Variants in KIRREL3 observed in about 807,000 individuals in gnomAD.
The protein encoded by KIRREL3 is kin of IRRE-like protein 3.
Under a neutral mutation model 89.7 loss-of-function variants are expected in KIRREL3, and 36 were observed. That is an observed-to-expected ratio of 0.40 (90% CI 0.31 to 0.53). The LOEUF (loss-of-function observed/expected upper bound fraction) is 0.53, where lower values mean the gene tolerates loss of function less well. KIRREL3 is among the 20% of genes least tolerant of loss of function. The pLI is 0.49. For missense variants in KIRREL3, 864 were observed against 1,056.6 expected (o/e 0.82, Z 2.53); for synonymous variants, 445 against 441.4 (o/e 1.01, Z -0.10).
At chr11:126,880,263 G>A (rs1481067188) in intron 1 of KIRREL3, among the ~76,000 whole-genome samples, 1 of 152,104 alleles carries the variant, frequency 6.6e-6, no homozygotes, top group Admixed American at 6.5e-5. Context: ...TTCTGCTGGG[G>A]ACTCTTCGAC....
At chr11:126,745,946 C>A (rs1304942970) in intron 1 of KIRREL3, among the ~76,000 whole-genome samples, 1 of 152,204 alleles carries the variant, frequency 6.6e-6, no homozygotes, top group Non-Finnish European at 1.5e-5. Flanking sequence ...CTAGCTGGAG[C>A]CTGCTTGGCC....
chr11:126,488,354 A>C lies in KIRREL3; in HGVS notation c.434-14888T>G, dbSNP rs1957421930. Among the ~76,000 whole-genome samples the C allele has an allele frequency of 2.0e-5, 3 of 152,370 alleles. No individual in the cohort carries two copies. The South Asian group carries it at 6.2e-4, about 32-fold the overall frequency. The stretch of plus-strand genomic sequence containing the variant: ...GAATGATCCCACAGGGTGACCCTGA[A>C]CAAGTTTATCAACCTTCCTGAGCCT... On this transcript the variant is annotated intron_variant, in intron 4 of 16. Coordinates refer to ENST00000525144, the MANE Select transcript of KIRREL3 (RefSeq NM_032531.4).
At position 126,693,686 on chromosome 11, in the gene KIRREL3, T is replaced by C. The variant is rs374784512; in HGVS notation, c.56-130774A>G. On this transcript the variant is annotated intron_variant, in intron 1 of 16. Transcript: ENST00000525144. ...CTGAGTTTCCGAAGGGAAAATCTCA[T>C]TTGTCCACCAGTGATAGCGTATGTA... Among the ~76,000 whole-genome samples the C allele has an allele frequency of 4.9e-4, 74 of 152,148 alleles. 1 individual carries two copies. The highest frequency in any genetic ancestry group is 1.8e-3 in the African/African-American group (74 of 41,512).
intron 1 of KIRREL3, among the ~76,000 whole-genome samples, chr11:126,826,538 A>G (rs1943418686): frequency 6.6e-6 from 1 of 151,908 alleles, no homozygotes; most frequent in Non-Finnish European, 1.5e-5. Context: ...TCTGCTTTCG[A>G]CTTCCTCTCG....
Position 126,431,115 on chromosome 11 carries a change from TC to T in KIRREL3, c.1696+303del, listed in dbSNP as rs983270917. The stretch of plus-strand genomic sequence containing the variant: ...CAAGGATCAAACCACAAACCGCTTT[TC>T]CCCCTATCTTTCTGTACAGTTCCTG... On this transcript the variant is annotated intron_variant, in intron 14 of 16. Coordinates refer to ENST00000525144, the MANE Select transcript of KIRREL3 (RefSeq NM_032531.4). The surrounding 1 kb of genome is among the most constrained non-coding windows in gnomAD (Gnocchi z 7.1). 5.0e-6 allele frequency: 7 copies of T among 1,410,478 alleles called. No individual in the cohort carries two copies. In the African/African-American group the frequency reaches 1.0e-4, roughly 20 times the overall value. 87.4% of individuals were successfully genotyped at this position (1,410,478 alleles called of 1,614,324 possible).
intron 4 of KIRREL3, among the ~76,000 whole-genome samples, chr11:126,497,392 G>T (rs1341618466): frequency 1.3e-5 from 2 of 152,116 alleles, no homozygotes; most frequent in Admixed American, 1.3e-4. Flanking sequence ...TGCCATCTCT[G>T]TTCCCAGTCA....
Position 126,794,145 on chromosome 11 carries a change from C to T in KIRREL3, c.55+206310G>A, listed in dbSNP as rs548622052. ...ATAAAATAATGGTAAGGAAGTCCAA[C>T]AGAATTCAGATATTTCTCATGATGG... On this transcript the variant is annotated intron_variant, in intron 1 of 16. Transcript: ENST00000525144. Among the ~76,000 whole-genome samples the T allele has an allele frequency of 1.6e-4, 25 of 152,264 alleles. No homozygotes were observed. In the Middle Eastern group the frequency reaches 0.017, roughly 104 times the overall value.
At chr11:126,549,391 G>A (rs1397387917) in intron 2 of KIRREL3, 4 of 152,158 alleles carry the variant, frequency 2.6e-5, no homozygotes, top group Non-Finnish European at 4.4e-5. Flanking sequence ...CACAGGGCCC[G>A]GCACTGTGAC....
In KIRREL3 at chr11:126,426,661, C is replaced by T. The variant is rs544370392; in HGVS notation, c.1807-937G>A. On this transcript the variant is annotated intron_variant, in intron 15 of 16. Transcript: ENST00000525144. ...ACAGTGATGCTTAACCTGTGACACA[C>T]GAGAGGCTTGCCATGTGTCTCTGCT... is the stretch of plus-strand genomic sequence containing the variant. Among the ~76,000 whole-genome samples the T allele has an allele frequency of 2.6e-5, 4 of 152,332 alleles. 1 individual carries two copies. Among genetic ancestry groups the T allele is most frequent in the African/African-American group, 9.6e-5 (4 of 41,572 alleles).
chr11:126,987,914 A>G lies in KIRREL3; in HGVS notation c.55+12541T>C, dbSNP rs548237154. 6.6e-6 allele frequency among the ~76,000 whole-genome samples: 1 copy of G among 152,326 alleles called. No homozygotes were observed. Among genetic ancestry groups the G allele is most frequent in the African/African-American group, 2.4e-5 (1 of 41,574 alleles). On this transcript the variant is annotated intron_variant, in intron 1 of 16. Transcript: ENST00000525144. The surrounding 1 kb of genome is among the most constrained non-coding windows in gnomAD (Gnocchi z 4.6). Reference sequence around the variant, plus strand: ...TTTCTGACACAAGGTAAGTTGTACCAGCCGAGACCAAAGTGAAAAGAATCA... The same window carrying G: ...TTTCTGACACAAGGTAAGTTGTACCGGCCGAGACCAAAGTGAAAAGAATCA...
intron 1 of KIRREL3, among the ~76,000 whole-genome samples, chr11:126,846,683 A>T (rs191474467): frequency 7.5e-6 from 1 of 132,584 alleles, no homozygotes; most frequent in African/African-American, 2.8e-5. Flanking sequence ...AAACAGACAA[A>T]CAAAAAAAAA....
At chr11:126,852,142 C>T (rs4935999) in intron 1 of KIRREL3, among the ~76,000 whole-genome samples, 127,860 of 150,694 alleles carry the variant, frequency 0.85, 54,441 homozygotes, top group East Asian at 1. Context: ...CAACCTCTGC[C>T]TCCCGGGTTC....
intron 1 of KIRREL3, among the ~76,000 whole-genome samples, chr11:126,721,678 T>G (rs557827371): frequency 1.3e-5 from 2 of 152,280 alleles, no homozygotes; most frequent in African/African-American, 4.8e-5. Context: ...CAAGGCTTCA[T>G]TTTGGATTTG....
Position 126,477,231 on chromosome 11 carries a change from C to G in KIRREL3, c.434-3765G>C, listed in dbSNP as rs984902655. Among the ~76,000 whole-genome samples the G allele has an allele frequency of 2.0e-5, 3 of 152,230 alleles. No homozygotes were observed. The highest frequency in any genetic ancestry group is 7.2e-5 in the African/African-American group (3 of 41,462). ...TCATCGCGGGATGCTGAGCTCTTTA[C>G]AGTTTACTCTCCCATTGGCCAGGAC... is the stretch of plus-strand genomic sequence containing the variant. On this transcript the variant is annotated intron_variant, in intron 4 of 16. Transcript: ENST00000525144. The surrounding 1 kb of genome is among the most constrained non-coding windows in gnomAD (Gnocchi z 4.8).
rs1173703413 is a variant in KIRREL3 at position 126,978,774 on chromosome 11, C to T, written c.55+21681G>A. 3.3e-5 allele frequency among the ~76,000 whole-genome samples: 5 copies of T among 152,126 alleles called. No homozygotes were observed. Among genetic ancestry groups the T allele is most frequent in the Admixed American group, 6.5e-5 (1 of 15,270 alleles). On this transcript the variant is annotated intron_variant, in intron 1 of 16. Transcript: ENST00000525144. The surrounding 1 kb of genome is among the most constrained non-coding windows in gnomAD (Gnocchi z 4.2). ...TTCCCCCAAGGTGGGCTAGGCAACC[C>T]TAGTGTCTGCTCCCACAGGAGCTAC...
At chr11:126,456,107 G>A (rs1365784169) in intron 7 of KIRREL3, among the ~76,000 whole-genome samples, 2 of 132,188 alleles carry the variant, frequency 1.5e-5, no homozygotes, top group African/African-American at 5.8e-5. Context: ...GGCTATTCAA[G>A]CAGAAGCCGT....
At chr11:126,915,110 T>A (rs1946986894) in intron 1 of KIRREL3, among the ~76,000 whole-genome samples, 1 of 152,196 alleles carries the variant, frequency 6.6e-6, no homozygotes, top group African/African-American at 2.4e-5. Context: ...TCACCAGGCA[T>A]CTCAAATACT....
intron 1 of KIRREL3, among the ~76,000 whole-genome samples, chr11:126,688,382 T>G (rs1037493700): frequency 7.9e-5 from 12 of 152,200 alleles, no homozygotes; most frequent in Admixed American, 5.9e-4. Flanking sequence ...GGAAATAAAA[T>G]TAAAAAGAGA....
intron 1 of KIRREL3, among the ~76,000 whole-genome samples, chr11:126,862,541 G>T (rs1168775636): frequency 6.6e-6 from 1 of 152,172 alleles, no homozygotes; most frequent in African/African-American, 2.4e-5. Flanking sequence ...TGGGCAGCAG[G>T]TTTGGAAAGG....
Sources: allele counts gnomAD v4.1 joint callset (sites outside exome capture counted in the v4.1 genomes callset), GRCh38; gene constraint gnomAD v4.1.1; non-coding constraint Gnocchi (gnomAD v3.1); transcripts MANE v1.5; gene names NCBI Gene and HGNC (gene_info 2026-07-23, HGNC 2026-07-21).